The following FADS2 variants were observed in gnomAD, a reference collection of about 807,000 sequenced individuals.
FADS2 encodes the protein acyl-CoA 6-desaturase.
Under a neutral mutation model 61.2 loss-of-function variants are expected in FADS2, and 18 were observed. The ratio of observed to expected loss-of-function variants is 0.29; its 90% CI spans 0.20 to 0.44. FADS2 has a LOEUF of 0.44. FADS2 is among the 20% of genes least tolerant of loss of function. FADS2 has a pLI of 1.00. For missense variants in FADS2, 322 were observed against 572.7 expected (o/e 0.56, Z 4.47); for synonymous variants, 203 against 223.9 (o/e 0.91, Z 0.83).
Position 61,857,084 on chromosome 11 carries a change from C to G in FADS2, c.805+13C>G. 1 of 1,612,208 alleles carries G rather than the reference C, an allele frequency of 6.2e-7. No homozygotes were observed. The highest frequency in any genetic ancestry group is 1.1e-5 in the South Asian group (1 of 91,038). On this transcript the variant is annotated intron_variant, in intron 6 of 11. Coordinates refer to ENST00000278840, the MANE Select transcript of FADS2 (RefSeq NM_004265.4). ...TACTTCTTCCTGAGTGAGTGCTCGG[C>G]GCCCCGAAATCACTCTGGGACCCTC... is the stretch of plus-strand genomic sequence containing the variant.
At chr11:61,864,377 C>CT (rs145708790) in intron 10 of FADS2, among the ~76,000 whole-genome samples, 10,253 of 145,588 alleles carry the variant, frequency 0.07, 461 homozygotes, top group Non-Finnish European at 0.1. Flanking sequence ...CTAATTTTTT[C>CT]TTTTTTTTTT....
intron 5 of FADS2, among the ~76,000 whole-genome samples, chr11:61,851,292 G>A (rs534505922): frequency 7.2e-5 from 11 of 152,320 alleles, no homozygotes; most frequent in African/African-American, 2.4e-4. Flanking sequence ...GCAAGAAGGC[G>A]TCTTTCTTGT....
intron 5 of FADS2, among the ~76,000 whole-genome samples, chr11:61,851,214 C>T (rs955733578): frequency 6.6e-6 from 1 of 152,150 alleles, no homozygotes; most frequent in Admixed American, 6.5e-5. Context: ...AATGTAGAGC[C>T]GTTGGCTGTC....
rs778982239 is a variant in FADS2 at position 61,837,135 on chromosome 11, C to T, written c.208-643C>T. ...GGGAAAAAAAGATTAAAATGTGTAT[C>T]ATTATAGCAGTGTTAGAGTTTGGAA... On this transcript the variant is annotated intron_variant, in intron 1 of 11. Coordinates refer to ENST00000278840, the MANE Select transcript of FADS2 (RefSeq NM_004265.4). 1.6e-3 allele frequency among the ~76,000 whole-genome samples: 243 copies of T among 152,150 alleles called. 11 individuals are homozygous for T. The highest frequency in any genetic ancestry group is 4.3e-4 in the Non-Finnish European group (29 of 68,034).
intron 10 of FADS2, among the ~76,000 whole-genome samples, chr11:61,864,728 G>A (rs1441180427): frequency 1.3e-5 from 2 of 151,718 alleles, no homozygotes; most frequent in Non-Finnish European, 2.9e-5. Context: ...TAGAGAAGAG[G>A]TCTTGCCGTG....
chr11:61,850,116 C>G lies in FADS2; in HGVS notation c.744+1832C>G, dbSNP rs141119828. On this transcript the variant is annotated intron_variant, in intron 5 of 11. Coordinates refer to ENST00000278840, the MANE Select transcript of FADS2 (RefSeq NM_004265.4). ...TGCGAATGTGGATGCCCTTCCCCCC[C>G]AGTTCATGTAGACAGGTCTCGTCTC... Among the ~76,000 whole-genome samples, 373 of 152,270 alleles carry G rather than the reference C, an allele frequency of 2.4e-3. 1 individual carries two copies. Among genetic ancestry groups the G allele is most frequent in the Middle Eastern group, 0.02 (6 of 294 alleles).
intron 10 of FADS2, chr11:61,864,245 C>T (rs1463005722): frequency 2.6e-5 from 4 of 154,042 alleles, no homozygotes; most frequent in African/African-American, 9.7e-5. Context: ...ACCCTGTTTC[C>T]TGGGCTGGAG....
In FADS2 at chr11:61,865,779, G is replaced by C; in HGVS notation, c.*90G>C. On this transcript the variant is annotated 3_prime_UTR_variant, in exon 12 of 12. Transcript: ENST00000278840. This position sits in a 1 kb window ranked among gnomAD's most constrained non-coding sequence, Gnocchi z 4.1. The stretch of plus-strand genomic sequence containing the variant: ...GGCTTTTGTTCTGAGGGGTGTCCGA[G>C]AGGCTGGTGTATGCACTGCTCACGG... 1.7e-6 allele frequency: 2 copies of C among 1,157,206 alleles called. No homozygotes were observed. Among genetic ancestry groups the C allele is most frequent in the Admixed American group, 4.0e-5 (2 of 50,386 alleles). 71.7% of individuals were successfully genotyped at this position (1,157,206 alleles called of 1,614,324 possible).
chr11:61,842,171 G>A (rs557430920), intron 4 of FADS2, among the ~76,000 whole-genome samples: 16 of 152,258 alleles, frequency 1.1e-4, no homozygotes, highest in Admixed American at 9.8e-4. Context: ...CACCCAGACC[G>A]CAACGGGGCC....
At chr11:61,824,484 GAGAGAGAAAGAAAGAAAGGAAAGAA>G (rs1294710132), upstream of FADS2, among the ~76,000 whole-genome samples, 52 of 39,380 alleles carry the variant, frequency 1.3e-3, no homozygotes, top group South Asian at 1.4e-3. Context: ...GAGAGAGAGA[GAGAGAGAAAGAAAGAAAGGAAAGAA>G]AGAAAGAAAG....
At chr11:61,818,443 T>A (rs2067007882) in intron 1 of FADS2, among the ~76,000 whole-genome samples, 1 of 152,192 alleles carries the variant, frequency 6.6e-6, no homozygotes, top group South Asian at 2.1e-4. Flanking sequence ...ACAAAACATT[T>A]TCTATTCTTT....
chr11:61,832,033 C>G (rs765830442), intron 1 of FADS2, among the ~76,000 whole-genome samples: 24 of 152,228 alleles, frequency 1.6e-4, no homozygotes, highest in Non-Finnish European at 2.2e-4. Flanking sequence ...GAATTATTCA[C>G]AGACAGAGAC....
chr11:61,842,312 G>C (rs1412045330), intron 4 of FADS2, among the ~76,000 whole-genome samples: 1 of 152,262 alleles, frequency 6.6e-6, no homozygotes, highest in Non-Finnish European at 1.5e-5. Context: ...CAGAATCTCA[G>C]GGGCAAAGGG....
upstream of FADS2, among the ~76,000 whole-genome samples, chr11:61,825,069 G>A (rs886609528): frequency 2.0e-5 from 3 of 151,616 alleles, no homozygotes; most frequent in African/African-American, 4.8e-5. Flanking sequence ...CACCCACCAC[G>A]GCCTCCTAAA....
chr11:61,848,066 G>C, intron 4 of FADS2, 93 bp from the exon 5 acceptor site: 5 of 1,525,856 alleles, frequency 3.3e-6, no homozygotes, highest in Non-Finnish European at 4.5e-6. Context: ...AGGGTTGAAG[G>C]TTCCGGGAAC....
chr11:61,824,724 G>A (rs2067068977), upstream of FADS2, among the ~76,000 whole-genome samples: 1 of 152,026 alleles, frequency 6.6e-6, no homozygotes, highest in South Asian at 2.1e-4. Context: ...ACCTAATAGA[G>A]TAACTCAGCC....
intron 2 of FADS2, among the ~76,000 whole-genome samples, chr11:61,839,253 A>G (rs548223717): frequency 1.3e-5 from 2 of 152,106 alleles, no homozygotes; most frequent in African/African-American, 2.4e-5. Flanking sequence ...AAGACCCAAC[A>G]GTGTGCGCAG....
At chr11:61,843,472 C>T (rs1054127877) in intron 4 of FADS2, among the ~76,000 whole-genome samples, 2 of 152,110 alleles carry the variant, frequency 1.3e-5, no homozygotes, top group Admixed American at 6.6e-5. Flanking sequence ...GCCATCTGGG[C>T]GCTGCATCTG....
chr11:61,821,912 G>T (rs1345446405), intron 1 of FADS2, among the ~76,000 whole-genome samples: 4 of 152,100 alleles, frequency 2.6e-5, no homozygotes, highest in Non-Finnish European at 5.9e-5. Flanking sequence ...AAGAGTGTGG[G>T]AGATTGGGAT....
Sources: allele counts gnomAD v4.1 joint callset (sites outside exome capture counted in the v4.1 genomes callset), GRCh38; gene constraint gnomAD v4.1.1; non-coding constraint Gnocchi (gnomAD v3.1); transcripts MANE v1.5; gene names NCBI Gene and HGNC (gene_info 2026-07-23, HGNC 2026-07-21).